Variants in AFG2A observed in about 807,000 individuals in gnomAD.
The protein encoded by AFG2A is ATPase family gene 2 protein homolog A.
the AFG2A span, among the ~76,000 whole-genome samples, chr4:123,089,849 A>T: frequency 2.0e-5 from 3 of 152,044 alleles, no homozygotes; most frequent in African/African-American, 7.2e-5. Flanking sequence ...CGGCCTCCCA[A>T]AGGTTTTACA....
chr4:122,982,811 T>A, the AFG2A span, among the ~76,000 whole-genome samples: 107 of 151,820 alleles, frequency 7.0e-4, no homozygotes, highest in Middle Eastern at 3.4e-3. Context: ...TTTTGTGGTA[T>A]CAATTGTAGT....
At chr4:123,229,645 A>G in the AFG2A span, among the ~76,000 whole-genome samples, 10 of 152,034 alleles carry the variant, frequency 6.6e-5, no homozygotes. Flanking sequence ...GTAGGAAAGG[A>G]GAAAGAAGAT....
the AFG2A span, chr4:122,923,083 A>T: frequency 1.2e-6 from 2 of 1,602,662 alleles, no homozygotes; most frequent in Non-Finnish European, 1.7e-6. Flanking sequence ...TTTTTCTCTC[A>T]GTTGAAGCGC....
the AFG2A span, among the ~76,000 whole-genome samples, chr4:123,025,692 A>C: frequency 6.6e-6 from 1 of 152,114 alleles, no homozygotes; most frequent in Admixed American, 6.6e-5. Flanking sequence ...TGTCAGGTTC[A>C]ATTTCAGTTA....
the AFG2A span, among the ~76,000 whole-genome samples, chr4:123,078,361 T>C: frequency 6.6e-6 from 1 of 152,218 alleles, no homozygotes; most frequent in Non-Finnish European, 1.5e-5. Context: ...AATAAAAGAC[T>C]GTACATATGA....
chr4:123,147,287 T>G, the AFG2A span, among the ~76,000 whole-genome samples: 3 of 152,056 alleles, frequency 2.0e-5, no homozygotes, highest in Non-Finnish European at 4.4e-5. Flanking sequence ...TCACTTGTGA[T>G]GGGGGTGGAA....
At chr4:123,122,781 G>GT in the AFG2A span, among the ~76,000 whole-genome samples, 4,600 of 132,110 alleles carry the variant, frequency 0.035, 170 homozygotes, top group African/African-American at 0.097. Context: ...CTGTTTTTTT[G>GT]TTTTTTTTTT....
the AFG2A span, among the ~76,000 whole-genome samples, chr4:123,232,938 A>G: frequency 1.3e-5 from 2 of 152,220 alleles, no homozygotes; most frequent in African/African-American, 4.8e-5. Flanking sequence ...CAGTTCCTAC[A>G]GGGAATCTTC....
At chr4:123,202,971 C>T in the AFG2A span, among the ~76,000 whole-genome samples, 1 of 151,994 alleles carries the variant, frequency 6.6e-6, no homozygotes, top group Non-Finnish European at 1.5e-5. Context: ...TGCAGTGAGC[C>T]GTGATCGTAC....
chr4:123,209,143 C>T, the AFG2A span, among the ~76,000 whole-genome samples: 3 of 152,106 alleles, frequency 2.0e-5, no homozygotes, highest in South Asian at 6.2e-4. Context: ...TTAATTGAAC[C>T]CAAGCAGGGG....
the AFG2A span, among the ~76,000 whole-genome samples, chr4:123,093,067 G>A: frequency 6.6e-6 from 1 of 152,094 alleles, no homozygotes; most frequent in Non-Finnish European, 1.5e-5. Flanking sequence ...TGAATAAGTG[G>A]GAGAAGATAT....
the AFG2A span, among the ~76,000 whole-genome samples, chr4:123,093,795 A>G: frequency 6.6e-6 from 1 of 152,212 alleles, no homozygotes; most frequent in Non-Finnish European, 1.5e-5. Context: ...TTTCTGGGTC[A>G]GAAGATAAGA....
the AFG2A span, among the ~76,000 whole-genome samples, chr4:123,129,393 G>A: frequency 3.3e-5 from 5 of 152,058 alleles, no homozygotes; most frequent in Admixed American, 6.6e-5. Context: ...ACATCCCATT[G>A]GCTAATCTTA....
chr4:123,146,250 T>C, the AFG2A span, among the ~76,000 whole-genome samples: 7 of 152,150 alleles, frequency 4.6e-5, no homozygotes, highest in African/African-American at 1.7e-4. Flanking sequence ...GCAAGAAAAG[T>C]ATGTCCAGAA....
the AFG2A span, among the ~76,000 whole-genome samples, chr4:123,253,806 G>A: frequency 6.6e-6 from 1 of 152,150 alleles, no homozygotes; most frequent in African/African-American, 2.4e-5. Context: ...TTCCAAAGTG[G>A]TTGTTCTATT....
the AFG2A span, among the ~76,000 whole-genome samples, chr4:123,240,774 T>G: frequency 6.6e-6 from 1 of 151,016 alleles, no homozygotes; most frequent in Admixed American, 6.6e-5. Context: ...AAGAAATAAC[T>G]AAGATCAGAG....
chr4:122,952,322 G>C, the AFG2A span, among the ~76,000 whole-genome samples: 4 of 151,982 alleles, frequency 2.6e-5, no homozygotes, highest in African/African-American at 9.7e-5. Flanking sequence ...AACTCACAAG[G>C]CTTGTATTTA....
the AFG2A span, among the ~76,000 whole-genome samples, chr4:122,943,066 A>T: frequency 6.6e-6 from 1 of 152,164 alleles, no homozygotes; most frequent in Admixed American, 6.6e-5. Flanking sequence ...TATGTGGTCA[A>T]TTATGGAATA....
At chr4:123,260,024 T>A in the AFG2A span, 1 of 152,204 alleles carries the variant, frequency 6.6e-6, no homozygotes, top group Admixed American at 6.5e-5. Flanking sequence ...CTCCCTTACA[T>A]CTTCAGAGGC....
Sources: allele counts gnomAD v4.1 joint callset (sites outside exome capture counted in the v4.1 genomes callset), GRCh38; gene constraint gnomAD v4.1.1; transcripts MANE v1.5; gene names NCBI Gene and HGNC (gene_info 2026-07-23, HGNC 2026-07-21).